Variants in TMEM132D observed in about 807,000 individuals in gnomAD.
The protein encoded by TMEM132D is mature OL transmembrane protein.
Under a neutral mutation model 62.3 loss-of-function variants are expected in TMEM132D, and 21 were observed. The observed-to-expected ratio is 0.34, with a 90% CI of 0.24 to 0.49. The LOEUF is 0.49. TMEM132D is among the 20% of genes least tolerant of loss of function. TMEM132D has a pLI of 0.99. For missense variants in TMEM132D, 1,346 were observed against 1,402.8 expected (o/e 0.96, Z 0.65); for synonymous variants, 621 against 575.6 (o/e 1.08, Z -1.13).
chr12:129,426,682 T>C lies in TMEM132D; in HGVS notation c.1116-88865A>G, dbSNP rs189443727. 2.8e-3 allele frequency among the ~76,000 whole-genome samples: 428 copies of C among 152,372 alleles called. 8 individuals are homozygous for C. The highest frequency in any genetic ancestry group is 1.6e-3 in the Non-Finnish European group (110 of 68,038). ...AATACCAACATTGGCAGCTGACACATGTGCTTACTCTAAGCCAAACTCTTT... is the reference window on the plus strand; with the variant it reads ...AATACCAACATTGGCAGCTGACACACGTGCTTACTCTAAGCCAAACTCTTT... On this transcript the variant is annotated intron_variant, in intron 3 of 8. Coordinates refer to ENST00000422113, the MANE Select transcript of TMEM132D (RefSeq NM_133448.3).
At chr12:129,236,849 G>C (rs1476804384) in intron 4 of TMEM132D, among the ~76,000 whole-genome samples, 5 of 152,114 alleles carry the variant, frequency 3.3e-5, no homozygotes, top group African/African-American at 4.8e-5. Context: ...TGAGTATGAT[G>C]TTAGTTGTGA....
Position 129,401,038 on chromosome 12 carries a change from C to T in TMEM132D, c.1116-63221G>A, listed in dbSNP as rs577337688. On this transcript the variant is annotated intron_variant, in intron 3 of 8. Coordinates refer to ENST00000422113, the MANE Select transcript of TMEM132D (RefSeq NM_133448.3). Reference sequence around the variant, plus strand: ...CTTCCATTACACCACTGAAATGCACCCTGAATCTCACCATCCATTTCCCTT... The same window carrying T: ...CTTCCATTACACCACTGAAATGCACTCTGAATCTCACCATCCATTTCCCTT... Among the ~76,000 whole-genome samples the T allele has an allele frequency of 2.6e-5, 4 of 152,220 alleles. No homozygotes were observed. The East Asian group carries it at 5.8e-4, about 22-fold the overall frequency.
chr12:129,475,185 C>T (rs1874220637), intron 3 of TMEM132D, among the ~76,000 whole-genome samples: 1 of 152,124 alleles, frequency 6.6e-6, no homozygotes, highest in Non-Finnish European at 1.5e-5. Context: ...AGGAAAGTGA[C>T]ATGGAAATTG....
At chr12:129,643,997 G>A (rs971791625) in intron 2 of TMEM132D, among the ~76,000 whole-genome samples, 6 of 152,026 alleles carry the variant, frequency 3.9e-5, no homozygotes, top group African/African-American at 1.2e-4. Flanking sequence ...TGGGATTATA[G>A]GCATGTGCCA....
At chr12:129,413,671 T>A (rs1449250319) in intron 3 of TMEM132D, among the ~76,000 whole-genome samples, 1 of 152,188 alleles carries the variant, frequency 6.6e-6, no homozygotes, top group African/African-American at 2.4e-5. Context: ...TTTCCTAAGG[T>A]TTTGAGTTCC....
At chr12:129,734,677 AGTTT>A (rs945563932) in intron 1 of TMEM132D, among the ~76,000 whole-genome samples, 7 of 149,720 alleles carry the variant, frequency 4.7e-5, no homozygotes, top group African/African-American at 1.0e-4. Flanking sequence ...AAAAATGGAA[AGTTT>A]GTTTAATTAA....
chr12:129,694,096 G>T (rs1881135220), intron 2 of TMEM132D, among the ~76,000 whole-genome samples: 1 of 152,164 alleles, frequency 6.6e-6, no homozygotes, highest in Admixed American at 6.5e-5. Context: ...GCTCTATGGT[G>T]CATTTCCTTT....
intron 2 of TMEM132D, among the ~76,000 whole-genome samples, chr12:129,565,449 T>TA (rs1262679356): frequency 5.9e-5 from 9 of 152,230 alleles, no homozygotes; most frequent in Admixed American, 5.2e-4. Flanking sequence ...TAAGGTGTTG[T>TA]AAAATTAATG....
At chr12:129,425,111 T>A (rs1166179702) in intron 3 of TMEM132D, among the ~76,000 whole-genome samples, 5 of 152,244 alleles carry the variant, frequency 3.3e-5, no homozygotes, top group African/African-American at 1.2e-4. Context: ...TATTTTGTAT[T>A]GCTGAATAGT....
intron 2 of TMEM132D, among the ~76,000 whole-genome samples, chr12:129,610,020 A>T (rs964576972): frequency 2.6e-5 from 4 of 152,204 alleles, no homozygotes; most frequent in Non-Finnish European, 5.9e-5. Context: ...TTGTAATCCC[A>T]ACGCTTTGGG....
In TMEM132D at chr12:129,227,786, C is replaced by T. The variant is rs891151156; in HGVS notation, c.1300-18123G>A. ...ACAACAGGCCCTGGTGTGTAATGTT[C>T]CCCTTCCTGTGTCCAAGAGTTCTTA... is the stretch of plus-strand genomic sequence containing the variant. On this transcript the variant is annotated intron_variant, in intron 4 of 8. Transcript: ENST00000422113. Among the ~76,000 whole-genome samples, 6 of 151,836 alleles carry T rather than the reference C, an allele frequency of 4.0e-5. No homozygotes were observed. In the East Asian group the frequency reaches 9.7e-4, roughly 25 times the overall value.
At chr12:129,222,129 T>C (rs1879364331) in intron 4 of TMEM132D, among the ~76,000 whole-genome samples, 1 of 152,090 alleles carries the variant, frequency 6.6e-6, no homozygotes, top group Non-Finnish European at 1.5e-5. Context: ...AATAATAAAA[T>C]AAAATAATTC....
intron 2 of TMEM132D, among the ~76,000 whole-genome samples, chr12:129,691,449 G>T (rs868094894): frequency 9.2e-5 from 14 of 151,882 alleles, no homozygotes; most frequent in Admixed American, 7.9e-4. Flanking sequence ...GGCTAACAAG[G>T]AAAAAGGGAA....
chr12:129,503,145 T>C (rs1340368348), intron 3 of TMEM132D, among the ~76,000 whole-genome samples: 1 of 152,210 alleles, frequency 6.6e-6, no homozygotes, highest in Non-Finnish European at 1.5e-5. Flanking sequence ...AGAATGAAGA[T>C]TCTTGTTACA....
intron 2 of TMEM132D, among the ~76,000 whole-genome samples, chr12:129,659,336 CA>C (rs1289022053): frequency 2.0e-5 from 3 of 151,938 alleles, no homozygotes; most frequent in African/African-American, 2.4e-5. Flanking sequence ...GCAAGTTTTT[CA>C]GCAAGAATTC....
At chr12:129,854,856 C>T (rs796340726) in intron 1 of TMEM132D, 55 of 152,398 alleles carry the variant, frequency 3.6e-4, no homozygotes, top group African/African-American at 1.2e-3. Context: ...AGACTCCCTC[C>T]CTCCTGACTG....
Position 129,484,489 on chromosome 12 carries a change from G to A in TMEM132D, c.1115+46570C>T, listed in dbSNP as rs759676866. On this transcript the variant is annotated intron_variant, in intron 3 of 8. Coordinates refer to ENST00000422113, the MANE Select transcript of TMEM132D (RefSeq NM_133448.3). ...TATCATCTCGTGCTCTAGAAAGGTC[G>A]CAAAGATTCTAGCATATTTGGAGAA... Among the ~76,000 whole-genome samples, 16 of 152,148 alleles carry A rather than the reference G, an allele frequency of 1.1e-4. No individual in the cohort carries two copies. In the East Asian group the frequency reaches 1.7e-3, roughly 17 times the overall value.
At chr12:129,224,697 G>A (rs553354269) in intron 4 of TMEM132D, among the ~76,000 whole-genome samples, 71 of 152,304 alleles carry the variant, frequency 4.7e-4, no homozygotes, top group Non-Finnish European at 8.7e-4. Flanking sequence ...CTTGAGGTCA[G>A]GAGTTTGAGA....
intron 4 of TMEM132D, among the ~76,000 whole-genome samples, chr12:129,233,275 C>T (rs1344811646): frequency 6.6e-6 from 1 of 152,198 alleles, no homozygotes; most frequent in Non-Finnish European, 1.5e-5. Context: ...CTATCATCAT[C>T]TGCACGCAAC....
Sources: gnomAD v4.1 joint callset for allele counts (sites outside exome capture counted in the v4.1 genomes callset) on GRCh38, gnomAD v4.1.1 for gene constraint, MANE v1.5 for transcripts, NCBI Gene and HGNC (gene_info 2026-07-23, HGNC 2026-07-21) for gene names.